FRY: variants seen among roughly 807,000 people sequenced by gnomAD.
The protein encoded by FRY is FRY microtubule binding protein, also known as protein furry homolog.
In FRY, 128 loss-of-function variants were observed where a neutral mutation model predicts 348.4. The observed-to-expected ratio is 0.37, with a 90% CI of 0.32 to 0.43. FRY has a LOEUF of 0.43. Among genes scored for constraint, FRY ranks in the 20% least tolerant of loss-of-function variants. FRY has a pLI of 1.00. For synonymous variants in FRY, 1,370 were observed against 1,374.7 expected, an observed-to-expected ratio of 1.00 and a Z score of 0.08; for missense variants, 2,736 against 3,695.2, an observed-to-expected ratio of 0.74 and a Z score of 6.73.
chr13:32,238,810 C>T (rs1315556845), intron 44 of FRY, among the ~76,000 whole-genome samples: 1 of 152,210 alleles, frequency 6.6e-6, no homozygotes, highest in Non-Finnish European at 1.5e-5. Context: ...GAAGCTATCG[C>T]TTAACAGAGA....
intron 1 of FRY, among the ~76,000 whole-genome samples, chr13:32,038,216 G>T (rs1872616694): frequency 6.6e-6 from 1 of 152,178 alleles, no homozygotes. Context: ...TTTCAGATCA[G>T]ATTTAAATGA....
rs1454336006 is a variant in FRY at position 32,202,526 on chromosome 13, A to G, written c.4017A>G (p.Ser1339=). 2 of 1,611,002 alleles carry G rather than the reference A, an allele frequency of 1.2e-6. No individual in the cohort carries two copies. The highest frequency in any genetic ancestry group is 3.3e-5 in the Admixed American group (2 of 59,996). Reference sequence around the variant, plus strand: ...CTGAGCTCACACTCCCCCTCTTCTCAGGTACCAGGCAATAGTCAATAATGA... The same window carrying G: ...CTGAGCTCACACTCCCCCTCTTCTCGGGTACCAGGCAATAGTCAATAATGA... The part of the protein sequence containing the change: ...MYPELTLPLF[S]EVSQRFPTTH... Residue 1339 remains serine, a splice_region_variant and synonymous_variant, in exon 31 of 61, where the codon TCA becomes TCG. Coordinates refer to ENST00000542859, the MANE Select transcript of FRY (RefSeq NM_023037.3).
In FRY at chr13:32,295,377, C is replaced by A. The variant is rs372798703; in HGVS notation, c.8959C>A (p.Arg2987=). ...TKLMELNMEI[R]DMIRRAQSYR... is the part of the protein sequence containing the mutation. ...GCTGATGGAGCTGAACATGGAGATC[C>A]GGGACATGATCCGCAGGGCCCAGAG... is the stretch of plus-strand genomic sequence containing the variant. The change falls in exon 61 of 61, where the codon CGG becomes AGG. Residue 2987 remains arginine, a synonymous_variant. Coordinates refer to ENST00000542859, the MANE Select transcript of FRY (RefSeq NM_023037.3). 3.1e-6 allele frequency: 5 copies of A among 1,613,264 alleles called. No homozygotes were observed. The highest frequency in any genetic ancestry group is 2.5e-6 in the Non-Finnish European group (3 of 1,179,836).
intron 1 of FRY, among the ~76,000 whole-genome samples, chr13:32,044,685 G>T (rs1872926230): frequency 6.6e-6 from 1 of 152,130 alleles, no homozygotes; most frequent in African/African-American, 2.4e-5. Context: ...TGCTTGCTTG[G>T]CCTTCAGTGC....
chr13:32,262,240 A>G (rs2138545985), intron 52 of FRY, 74 bp from the exon 53 acceptor site: 2 of 1,230,940 alleles, frequency 1.6e-6, no homozygotes, highest in East Asian at 4.7e-5. Flanking sequence ...ATTAACCAAC[A>G]ACTAGAGAAT....
intron 52 of FRY, 112 bp from the exon 53 acceptor site, chr13:32,262,183 TTAAGGCCCAATAATGGTGA>T (rs1157076961): frequency 2.7e-6 from 2 of 743,522 alleles, no homozygotes; most frequent in Non-Finnish European, 4.7e-6. Context: ...GCTGCTATGT[TTAAGGCCCAATAATGGTGA>T]AATGTGGAAG....
At position 32,124,326 on chromosome 13, in the gene FRY, C is replaced by G. The variant is rs768019080; in HGVS notation, c.505C>G (p.Leu169Val). 2 of 1,601,872 alleles carry G rather than the reference C, an allele frequency of 1.2e-6. No homozygotes were observed. Among genetic ancestry groups the G allele is most frequent in the Non-Finnish European group, 1.7e-6 (2 of 1,169,396 alleles). ...AGATTATTTAATGGAAAGACGGGACCTCGCCATTGATTTTATTTTTTCTTT... is the reference window on the plus strand; with the variant it reads ...AGATTATTTAATGGAAAGACGGGACGTCGCCATTGATTTTATTTTTTCTTT... The part of the protein sequence containing the change: ...QRDYLMERRD[L>V]AIDFIFSLVL... Residue 169 changes from leucine (L) to valine (V), a missense_variant, in exon 5 of 61, where the codon CTC becomes GTC. This residue lies in a region of FRY where 309 missense variants were observed against 418.1 expected (regional missense o/e 0.74). Transcript: ENST00000542859.
chr13:32,270,209 C>CTT (rs754618805), intron 55 of FRY, among the ~76,000 whole-genome samples: 4 of 140,738 alleles, frequency 2.8e-5, no homozygotes, highest in Admixed American at 7.2e-5. Context: ...TTTCTAAAAG[C>CTT]TTTTTTTTTT....
intron 41 of FRY, among the ~76,000 whole-genome samples, chr13:32,232,896 A>T (rs554824359): frequency 4.1e-4 from 62 of 152,284 alleles, no homozygotes; most frequent in African/African-American, 1.0e-3. Context: ...GTTCATTGTG[A>T]TTTAAATGAG....
At chr13:32,284,106 GT>G (rs1371772105) in intron 58 of FRY, among the ~76,000 whole-genome samples, 1 of 152,200 alleles carries the variant, frequency 6.6e-6, no homozygotes, top group East Asian at 1.9e-4. Flanking sequence ...AGCTGGAGAT[GT>G]TTCCATATGA....
chr13:32,212,641 CTT>C (rs2138366408), intron 35 of FRY, among the ~76,000 whole-genome samples: 1 of 152,194 alleles, frequency 6.6e-6, no homozygotes, highest in Admixed American at 6.5e-5. Context: ...TACCTCAGGG[CTT>C]AGTAAAAACC....
chr13:32,072,411 T>C (rs889899783), intron 1 of FRY, among the ~76,000 whole-genome samples: 2 of 152,224 alleles, frequency 1.3e-5, no homozygotes, highest in African/African-American at 4.8e-5. Flanking sequence ...AAGCAATCTT[T>C]TTGTGTTGCT....
intron 2 of FRY, among the ~76,000 whole-genome samples, chr13:32,090,119 C>G (rs571261473): frequency 6.6e-6 from 1 of 151,868 alleles, no homozygotes; most frequent in Non-Finnish European, 1.5e-5. Flanking sequence ...GAGGCCGAGG[C>G]GGGTGGATCA....
At chr13:32,214,356 CCA>C (rs1267624157) in intron 35 of FRY, among the ~76,000 whole-genome samples, 1 of 152,218 alleles carries the variant, frequency 6.6e-6, no homozygotes, top group African/African-American at 2.4e-5. Flanking sequence ...AACCTGCGGC[CCA>C]CAGGCCACAT....
intron 42 of FRY, 75 bp downstream of exon 42, chr13:32,234,836 C>A: frequency 1.7e-6 from 2 of 1,200,588 alleles, no homozygotes; most frequent in Admixed American, 1.7e-5. Context: ...TATTTTTGAG[C>A]CTTTCTTCTG....
chr13:32,149,927 C>T (rs1880697678), intron 14 of FRY, 93 bp downstream of exon 14: 1 of 779,900 alleles, frequency 1.3e-6, no homozygotes, highest in Non-Finnish European at 2.3e-6. Flanking sequence ...TGAGGGATGT[C>T]TTCTCACAAA....
intron 31 of FRY, among the ~76,000 whole-genome samples, chr13:32,204,599 C>G (rs1400984355): frequency 6.6e-6 from 1 of 152,174 alleles, no homozygotes; most frequent in Non-Finnish European, 1.5e-5. Flanking sequence ...GTTGAATGGC[C>G]CTCACCCCTT....
At chr13:32,143,292 G>A (rs1593661970) in intron 11 of FRY, among the ~76,000 whole-genome samples, 1 of 152,170 alleles carries the variant, frequency 6.6e-6, no homozygotes, top group Non-Finnish European at 1.5e-5. Flanking sequence ...CCATTTAGGA[G>A]GCAGTTGCAA....
intron 1 of FRY, among the ~76,000 whole-genome samples, chr13:32,064,673 CTGGCTGTTCAACCTT>C (rs1369361499): frequency 2.0e-5 from 3 of 152,176 alleles, no homozygotes; most frequent in Admixed American, 6.6e-5. Flanking sequence ...GCTGTTCAAC[CTGGCTGTTCAACCTT>C]TGGCTGTTCA....
Sources: gnomAD v4.1 joint callset for allele counts (sites outside exome capture counted in the v4.1 genomes callset) on GRCh38, gnomAD v4.1.1 for gene constraint, gnomAD v4.1.1 regional missense constraint, MANE v1.5 for transcripts, NCBI Gene and HGNC (gene_info 2026-07-23, HGNC 2026-07-21) for gene names.